Variants in WWOX observed in about 807,000 individuals in gnomAD.
The protein encoded by WWOX is WW domain containing oxidoreductase, also known as WW domain-containing oxidoreductase.
A neutral mutation model predicts 46.2 loss-of-function variants in WWOX; 69 were observed. The ratio of observed to expected loss-of-function variants is 1.49; its 90% CI spans 1.23 to 1.82. WWOX has a LOEUF of 1.82. Ranked by LOEUF, WWOX falls within the 40% of genes most tolerant of loss-of-function variation. WWOX has a pLI of 0.00. For missense variants in WWOX, 919 were observed against 542.6 expected (o/e 1.69, Z -6.89); for synonymous variants, 359 against 202.6 (o/e 1.77, Z -6.56).
chr16:78,712,376 C>G (rs1055228649), intron 8 of WWOX, among the ~76,000 whole-genome samples: 1 of 151,954 alleles, frequency 6.6e-6, no homozygotes, highest in Non-Finnish European at 1.5e-5. Context: ...GTGTTGTGTG[C>G]CTGTAGGCCT....
intron 8 of WWOX, among the ~76,000 whole-genome samples, chr16:78,639,865 C>A (rs1435928393): frequency 6.6e-6 from 1 of 152,078 alleles, no homozygotes. Flanking sequence ...CATGCTAGGC[C>A]CAGATTGGCT....
intron 8 of WWOX, among the ~76,000 whole-genome samples, chr16:78,869,226 C>G (rs1038534710): frequency 6.6e-6 from 1 of 152,114 alleles, no homozygotes; most frequent in Non-Finnish European, 1.5e-5. Flanking sequence ...GTCCAAGCCT[C>G]CCTGAAGCAG....
rs781000225 is a variant in WWOX at position 78,343,948 on chromosome 16, ATCT to A, written c.517-42907_517-42905del. Among the ~76,000 whole-genome samples the A allele has an allele frequency of 6.6e-4, 80 of 120,434 alleles. 21 individuals carry two copies. Among genetic ancestry groups the A allele is most frequent in the Admixed American group, 3.0e-3 (37 of 12,340 alleles). The allele number at this position is 120,434 out of a possible 152,430, so 79.0% of individuals were successfully genotyped here. ...AATGTAGTCTAAATGTGGTTGCATC[ATCT>A]TCTTTCTTCCTTTGCCTTCCTCCCT... On this transcript the variant is annotated intron_variant, in intron 5 of 8. Coordinates refer to ENST00000566780, the MANE Select transcript of WWOX (RefSeq NM_016373.4).
chr16:78,303,672 G>A (rs1159472093), intron 5 of WWOX, among the ~76,000 whole-genome samples: 1 of 152,202 alleles, frequency 6.6e-6, no homozygotes, highest in Admixed American at 6.5e-5. Context: ...AGACTCCTGA[G>A]TAGCTGGGAT....
intron 8 of WWOX, among the ~76,000 whole-genome samples, chr16:78,446,729 C>G (rs983279904): frequency 7.9e-6 from 1 of 126,896 alleles, no homozygotes; most frequent in Admixed American, 9.6e-5. Flanking sequence ...GGCATTTTCT[C>G]GGCTCACTGC....
At chr16:78,690,322 A>G (rs2047956541) in intron 8 of WWOX, among the ~76,000 whole-genome samples, 1 of 152,176 alleles carries the variant, frequency 6.6e-6, no homozygotes, top group Non-Finnish European at 1.5e-5. Flanking sequence ...AGGCTGAGTC[A>G]GAACGATTGC....
rs1034007274 is a variant in WWOX at position 78,784,811 on chromosome 16, C to T, written c.1056+352059C>T. ...CTTCATAATAAGGACTCACATGTGT[C>T]GGTCCCAAGGATCCCCAAGGGATAC... On this transcript the variant is annotated intron_variant, in intron 8 of 8. Transcript: ENST00000566780. Among the ~76,000 whole-genome samples, 5 of 152,110 alleles carry T rather than the reference C, an allele frequency of 3.3e-5. 1 individual carries two copies. The highest frequency in any genetic ancestry group is 9.7e-5 in the African/African-American group (4 of 41,434).
At chr16:78,578,273 TATATA>T (rs1567657341) in intron 8 of WWOX, among the ~76,000 whole-genome samples, 9 of 36,648 alleles carry the variant, frequency 2.5e-4, no homozygotes, top group South Asian at 8.4e-4. Context: ...TATATATATA[TATATA>T]TATATATTTT....
intron 8 of WWOX, among the ~76,000 whole-genome samples, chr16:78,726,104 C>CCTCCCTCCCTCCTTCT (rs1311734213): frequency 7.6e-6 from 1 of 131,078 alleles, no homozygotes; most frequent in Admixed American, 7.6e-5. Context: ...TCCCTCCCTC[C>CCTCCCTCCCTCCTTCT]CTCCCTCTCT....
intron 5 of WWOX, among the ~76,000 whole-genome samples, chr16:78,381,817 A>G (rs1288074856): frequency 6.6e-6 from 1 of 152,098 alleles, no homozygotes; most frequent in Non-Finnish European, 1.5e-5. Context: ...GTAGGAAGGA[A>G]TGAGGGATAT....
intron 8 of WWOX, among the ~76,000 whole-genome samples, chr16:79,034,899 A>G (rs1348047169): frequency 1.3e-5 from 2 of 152,318 alleles, no homozygotes; most frequent in Non-Finnish European, 2.9e-5. Context: ...TAATGGAATT[A>G]TAGCATTAAA....
At chr16:78,239,589 C>T (rs530371814) in intron 5 of WWOX, among the ~76,000 whole-genome samples, 1 of 152,082 alleles carries the variant, frequency 6.6e-6, no homozygotes, top group Non-Finnish European at 1.5e-5. Flanking sequence ...GGCTGGAGTG[C>T]AGCAGCGCGA....
chr16:78,157,508 A>G (rs1425656806), intron 4 of WWOX, among the ~76,000 whole-genome samples: 1 of 152,056 alleles, frequency 6.6e-6, no homozygotes, highest in Non-Finnish European at 1.5e-5. Context: ...CTACCCACAC[A>G]CCCAAGGGGA....
chr16:78,195,163 C>T (rs1445978245), intron 5 of WWOX, among the ~76,000 whole-genome samples: 1 of 152,138 alleles, frequency 6.6e-6, no homozygotes, highest in African/African-American at 2.4e-5. Flanking sequence ...CTGGAGAGCC[C>T]AGCCCTTCCA....
At chr16:79,016,026 G>T (rs922102037) in intron 8 of WWOX, 1 of 152,234 alleles carries the variant, frequency 6.6e-6, no homozygotes, top group South Asian at 2.1e-4. Flanking sequence ...TGGGATTACA[G>T]ACGTAAGTCA....
At chr16:79,054,215 C>T (rs1031435107) in intron 8 of WWOX, among the ~76,000 whole-genome samples, 12 of 152,128 alleles carry the variant, frequency 7.9e-5, no homozygotes, top group African/African-American at 2.2e-4. Flanking sequence ...CATGCTGCAA[C>T]GGGGAATCTT....
At chr16:78,476,511 C>G (rs530282959) in intron 8 of WWOX, among the ~76,000 whole-genome samples, 7 of 151,900 alleles carry the variant, frequency 4.6e-5, no homozygotes, top group Non-Finnish European at 1.0e-4. Context: ...ATGTAAATGA[C>G]GAGTTAATGG....
chr16:79,042,135 C>G lies in WWOX; in HGVS notation c.1057-169473C>G, dbSNP rs373140613. 2.6e-5 allele frequency among the ~76,000 whole-genome samples: 4 copies of G among 152,190 alleles called. No homozygotes were observed. In the East Asian group the frequency reaches 5.8e-4, roughly 22 times the overall value. ...TTAACCTGCACCCACGTTCCCCCGC[C>G]TGTCTCTGAAGTATTCACAGGTGGA... On this transcript the variant is annotated intron_variant, in intron 8 of 8. Coordinates refer to ENST00000566780, the MANE Select transcript of WWOX (RefSeq NM_016373.4).
intron 8 of WWOX, among the ~76,000 whole-genome samples, chr16:78,786,167 C>G (rs149388103): frequency 6.6e-6 from 1 of 152,220 alleles, no homozygotes; most frequent in Non-Finnish European, 1.5e-5. Flanking sequence ...GTCTCCGCCT[C>G]CCAAAGTGCT....
Sources: gnomAD v4.1 joint callset for allele counts (sites outside exome capture counted in the v4.1 genomes callset) on GRCh38, gnomAD v4.1.1 for gene constraint, MANE v1.5 for transcripts, NCBI Gene and HGNC (gene_info 2026-07-23, HGNC 2026-07-21) for gene names.